BABAM1: variants seen among roughly 807,000 people sequenced by gnomAD.
BABAM1 encodes BRISC and BRCA1 A complex member 1.
In BABAM1, 14 loss-of-function variants were observed where a neutral mutation model predicts 34.4. The ratio of observed to expected loss-of-function variants is 0.41; its 90% CI spans 0.27 to 0.64. BABAM1 has a LOEUF of 0.64. Ranked by LOEUF, BABAM1 falls within the 30% of genes least tolerant of loss-of-function variation. The pLI, the probability that BABAM1 is intolerant of heterozygous loss-of-function variation, is 0.34. For synonymous variants in BABAM1, 169 were observed against 165.8 expected (o/e 1.02, Z -0.15); for missense variants, 393 against 434.0 (o/e 0.91, Z 0.84).
In BABAM1 at chr19:17,278,990, C is replaced by T. The variant is rs1211139323; in HGVS notation, c.932C>T (p.Ala311Val). The T allele has an allele frequency of 3.7e-6, 6 of 1,612,680 alleles. No individual in the cohort carries two copies. The highest frequency in any genetic ancestry group is 5.1e-6 in the Non-Finnish European group (6 of 1,179,474). ...CTGCAGCGGCCTTGCCAGAGCCATG[C>T]TTCCTACAGCCTGCTGGAGGAGGAG... The part of the protein sequence containing the change: ...HPLQRPCQSH[A>V]SYSLLEEEDE... Residue 311 changes from alanine to valine, a missense_variant, in exon 9 of 9, where the codon GCT becomes GTT. Coordinates refer to ENST00000598188, the MANE Select transcript of BABAM1 (RefSeq NM_014173.4).
At chr19:17,268,680 C>T (rs774246624) in intron 1 of BABAM1, 114 bp from the exon 2 acceptor site, 18 of 1,190,180 alleles carry the variant, frequency 1.5e-5, no homozygotes, top group South Asian at 3.3e-5. Flanking sequence ...CCACCTGCCT[C>T]GGCCTCCCAA....
chr19:17,276,373 G>A (rs1283572129), intron 6 of BABAM1, 122 bp from the exon 7 acceptor site: 1 of 1,468,814 alleles, frequency 6.8e-7, no homozygotes, highest in Non-Finnish European at 9.2e-7. Flanking sequence ...AGGCAGCAGT[G>A]AACTTGGGAG....
At chr19:17,271,739 C>G in intron 3 of BABAM1, 84 bp downstream of exon 3, 1 of 1,455,112 alleles carries the variant, frequency 6.9e-7, no homozygotes, top group East Asian at 2.4e-5. Flanking sequence ...CACTCTGAAA[C>G]TCACACCAGC....
At chr19:17,270,991 CTT>C (rs778538341) in intron 2 of BABAM1, among the ~76,000 whole-genome samples, 14 of 133,442 alleles carry the variant, frequency 1.0e-4, no homozygotes, top group Admixed American at 2.3e-4. Flanking sequence ...CGCCTGGCCT[CTT>C]TTTTTTTTTT....
intron 8 of BABAM1, chr19:17,277,665 CTA>C (rs2073926430): frequency 6.6e-6 from 1 of 152,334 alleles, no homozygotes; most frequent in Non-Finnish European, 1.5e-5. Context: ...GTTTACCCAA[CTA>C]TGAACAGGGA....
intron 7 of BABAM1, 41 bp from the exon 8 acceptor site, chr19:17,276,782 A>C (rs1599500041): frequency 6.4e-7 from 1 of 1,574,036 alleles, no homozygotes; most frequent in Admixed American, 1.9e-5. Context: ...GCACGGGGTG[A>C]CCCAAGCCCC....
chr19:17,268,081 C>G (rs1486095946), intron 1 of BABAM1, among the ~76,000 whole-genome samples: 1 of 151,968 alleles, frequency 6.6e-6, no homozygotes, highest in Non-Finnish European at 1.5e-5. Flanking sequence ...CTTTATTCTA[C>G]CAGCTCTGCA....
intron 8 of BABAM1, 63 bp from the exon 9 acceptor site, chr19:17,278,782 G>A: frequency 6.7e-7 from 1 of 1,489,612 alleles, no homozygotes; most frequent in East Asian, 2.4e-5. Context: ...CCAGGGATAT[G>A]AAGGGCCTGT....
chr19:17,276,501 G>C lies in BABAM1; in HGVS notation c.576G>C (p.Gln192His). The C allele has an allele frequency of 6.3e-7, 1 of 1,593,120 alleles. No individual in the cohort carries two copies. Among genetic ancestry groups the C allele is most frequent in the Middle Eastern group, 1.7e-4 (1 of 6,034 alleles). Residue 192 changes from glutamine to histidine, a missense_variant, in exon 7 of 9, where the codon CAG becomes CAC. Gln to His is a conservative substitution (Grantham distance 24). Transcript: ENST00000598188. ...NLEGLFSLIQ[Q>H]KTELPVTENV... The stretch of plus-strand genomic sequence containing the variant: ...CCTCCTCCCGGGTATGCAGCCAGCA[G>C]AAAACTGAGCTTCCGGTCACAGAGA...
chr19:17,276,812 T>A lies in BABAM1; in HGVS notation c.700-11T>A. 6.3e-7 allele frequency: 1 copy of A among 1,599,482 alleles called. No individual in the cohort carries two copies. Among genetic ancestry groups the A allele is most frequent in the Non-Finnish European group, 8.5e-7 (1 of 1,172,902 alleles). On this transcript the variant is annotated splice_polypyrimidine_tract_variant and intron_variant, in intron 7 of 8. Coordinates refer to ENST00000598188, the MANE Select transcript of BABAM1 (RefSeq NM_014173.4). ...AGCCCCAGAGGCTGGTGTTCTTTACTTCCCCTGCAGAAAATGTTCCAGTGC... is the reference window on the plus strand; with the variant it reads ...AGCCCCAGAGGCTGGTGTTCTTTACATCCCCTGCAGAAAATGTTCCAGTGC...
chr19:17,275,905 A>G, intron 6 of BABAM1, 80 bp downstream of exon 6: 1 of 1,510,436 alleles, frequency 6.6e-7, no homozygotes, highest in South Asian at 1.1e-5. Context: ...ACGGCACAGA[A>G]GTAATCTAGG....
In BABAM1 at chr19:17,268,867, G is replaced by A; in HGVS notation, c.61G>A (p.Ala21Thr). The A allele has an allele frequency of 1.2e-6, 2 of 1,604,922 alleles. No individual in the cohort carries two copies. The highest frequency in any genetic ancestry group is 1.7e-6 in the Non-Finnish European group (2 of 1,176,236). ...GGAGGAGGAGGAAGAGGAGCACTCG[G>A]CAGAGCCTCGGCCCCGCACTCGCTC... ...EEEEEEEEHSAEPRPRTRSNP... is the reference protein window; with the variant it reads ...EEEEEEEEHSTEPRPRTRSNP... Residue 21 changes from alanine (A) to threonine (T), a missense_variant, in exon 2 of 9, where the codon GCA becomes ACA. Coordinates refer to ENST00000598188, the MANE Select transcript of BABAM1 (RefSeq NM_014173.4).
At chr19:17,275,677 C>T (rs1221221143) in intron 5 of BABAM1, 124 bp from the exon 6 acceptor site, 4 of 1,244,268 alleles carry the variant, frequency 3.2e-6, no homozygotes, top group Non-Finnish European at 4.7e-6. Flanking sequence ...GGGCAAGTGA[C>T]TTGGCCAGGG....
At chr19:17,276,962 G>A (rs2073916986) in intron 8 of BABAM1, 53 bp downstream of exon 8, 3 of 1,487,502 alleles carry the variant, frequency 2.0e-6, no homozygotes, top group East Asian at 4.9e-5. Context: ...AGGATGTCTT[G>A]GAACACACCT....
At chr19:17,277,562 C>G (rs1169837132) in intron 8 of BABAM1, 1 of 152,986 alleles carries the variant, frequency 6.5e-6, no homozygotes, top group Non-Finnish European at 1.5e-5. Context: ...GCATCCATCC[C>G]TCTTGGACTC....
chr19:17,276,519 C>G lies in BABAM1; in HGVS notation c.594C>G (p.Val198=). 2 of 1,594,794 alleles carry G rather than the reference C, an allele frequency of 1.3e-6. No homozygotes were observed. The highest frequency in any genetic ancestry group is 2.3e-5 in the South Asian group (2 of 87,888). Reference sequence around the variant, plus strand: ...GCCAGCAGAAAACTGAGCTTCCGGTCACAGAGAACGTGCAGACGATTCCCC... The same window carrying G: ...GCCAGCAGAAAACTGAGCTTCCGGTGACAGAGAACGTGCAGACGATTCCCC... The part of the protein sequence containing the change: ...SLIQQKTELP[V]TENVQTIPPP... The change falls in exon 7 of 9, where the codon GTC becomes GTG. Residue 198 remains valine (V), a synonymous_variant. Coordinates refer to ENST00000598188, the MANE Select transcript of BABAM1 (RefSeq NM_014173.4).
chr19:17,274,258 C>A, intron 5 of BABAM1, 73 bp downstream of exon 5: 1 of 1,560,216 alleles, frequency 6.4e-7, no homozygotes, highest in South Asian at 1.1e-5. Flanking sequence ...CCAGGAAAGT[C>A]TAAGTCATGA....
chr19:17,270,836 C>T (rs1386140832), intron 2 of BABAM1, among the ~76,000 whole-genome samples: 9 of 151,586 alleles, frequency 5.9e-5, no homozygotes, highest in Admixed American at 2.0e-4. Flanking sequence ...TACAGGCGCC[C>T]GCCACCACGC....
At chr19:17,272,392 G>A (rs1020711643) in intron 3 of BABAM1, among the ~76,000 whole-genome samples, 1 of 151,626 alleles carries the variant, frequency 6.6e-6, no homozygotes, top group Non-Finnish European at 1.5e-5. Context: ...GCGACAGAGC[G>A]AGACCCTGTC....
Sources: allele counts gnomAD v4.1 joint callset (sites outside exome capture counted in the v4.1 genomes callset), GRCh38; gene constraint gnomAD v4.1.1; transcripts MANE v1.5; gene names NCBI Gene and HGNC (gene_info 2026-07-23, HGNC 2026-07-21).